Variants in XRCC1 observed in about 807,000 individuals in gnomAD.
XRCC1 encodes X-ray repair cross complementing 1.
A neutral mutation model predicts 83.3 loss-of-function variants in XRCC1; 52 were observed. That is an observed-to-expected ratio of 0.62 (90% confidence interval 0.50 to 0.79). The LOEUF (loss-of-function observed/expected upper bound fraction) is 0.79, where lower values mean the gene tolerates loss of function less well. XRCC1 is among the 30% of genes least tolerant of loss of function. The pLI, the probability that XRCC1 is intolerant of heterozygous loss-of-function variation, is 0.00. For missense variants in XRCC1, 793 were observed against 823.5 expected (o/e 0.96, Z 0.45); for synonymous variants, 281 against 312.6 (o/e 0.90, Z 1.07).
intron 2 of XRCC1, among the ~76,000 whole-genome samples, chr19:43,573,840 A>C (rs1379237309): frequency 6.6e-6 from 1 of 152,182 alleles, no homozygotes; most frequent in Non-Finnish European, 1.5e-5. Flanking sequence ...AGATCATGCC[A>C]CTGCACTACA....
chr19:43,566,186 A>G (rs1219901923), intron 2 of XRCC1, among the ~76,000 whole-genome samples: 2 of 151,616 alleles, frequency 1.3e-5, no homozygotes. Flanking sequence ...CAGCGAACCG[A>G]AATCATGCCA....
intron 2 of XRCC1, among the ~76,000 whole-genome samples, chr19:43,564,077 G>A (rs755867606): frequency 1.6e-4 from 24 of 152,106 alleles, no homozygotes; most frequent in Non-Finnish European, 2.8e-4. Flanking sequence ...CAATAACAAC[G>A]TCTATCTCAT....
intron 10 of XRCC1, among the ~76,000 whole-genome samples, chr19:43,548,480 C>G (rs1169601011): frequency 1.3e-5 from 2 of 152,168 alleles, no homozygotes; most frequent in African/African-American, 4.8e-5. Flanking sequence ...TACCCTCAAC[C>G]CTGTGCTCTC....
intron 3 of XRCC1, among the ~76,000 whole-genome samples, chr19:43,556,444 C>G (rs1462524209): frequency 6.6e-6 from 1 of 152,194 alleles, no homozygotes; most frequent in Non-Finnish European, 1.5e-5. Flanking sequence ...CTCGGGAGAA[C>G]TCCTCACAAG....
intron 3 of XRCC1, among the ~76,000 whole-genome samples, chr19:43,559,101 A>G (rs1022543062): frequency 2.0e-5 from 3 of 152,160 alleles, no homozygotes; most frequent in Admixed American, 6.5e-5. Flanking sequence ...AGATCATGCC[A>G]CTGCACTCCA....
intron 10 of XRCC1, 118 bp from the exon 11 acceptor site, chr19:43,547,095 T>G: frequency 1.0e-6 from 1 of 965,656 alleles, no homozygotes. Flanking sequence ...CATGGTCTTG[T>G]TCCCAGCCCA....
Position 43,569,400 on chromosome 19 carries a change from C to T in XRCC1, c.144+5510G>A, listed in dbSNP as rs369547002. Among the ~76,000 whole-genome samples, 64 of 149,132 alleles carry T rather than the reference C, an allele frequency of 4.3e-4. 1 individual carries two copies. Among genetic ancestry groups the T allele is most frequent in the African/African-American group, 1.5e-3 (59 of 40,560 alleles). ...CTGAGGTGGGAGGATCGCTTGAGCC[C>T]GGGAGGTCGAGCCTGTAGTGAGCTG... is the stretch of plus-strand genomic sequence containing the variant. On this transcript the variant is annotated intron_variant, in intron 2 of 16. Transcript: ENST00000262887.
intron 14 of XRCC1, among the ~76,000 whole-genome samples, chr19:43,545,161 C>T (rs3213395): frequency 0.051 from 7,809 of 152,160 alleles, 263 homozygotes; most frequent in Middle Eastern, 0.17. Flanking sequence ...CCATCACCCA[C>T]GAGGAACTGG....
chr19:43,543,539 GTCA>G (rs1972476857), intron 16 of XRCC1, 34 bp from the exon 17 acceptor site: 1 of 1,613,384 alleles, frequency 6.2e-7, no homozygotes, highest in Non-Finnish European at 8.5e-7. Context: ...ACGGGAATGT[GTCA>G]TCGAGGGGAG....
At chr19:43,575,115 G>T (rs2146076910) in intron 1 of XRCC1, 113 bp from the exon 2 acceptor site, 1 of 902,334 alleles carries the variant, frequency 1.1e-6, no homozygotes, top group Non-Finnish European at 1.8e-6. Flanking sequence ...CCAGATTTAA[G>T]CTCTCCCGTT....
chr19:43,550,337 G>A (rs1286084728), intron 10 of XRCC1, among the ~76,000 whole-genome samples: 5 of 151,858 alleles, frequency 3.3e-5, no homozygotes, highest in East Asian at 1.9e-4. Flanking sequence ...TGACTGCAGC[G>A]AAATGAGTTT....
chr19:43,564,202 T>C (rs1972729335), intron 2 of XRCC1, among the ~76,000 whole-genome samples: 1 of 152,164 alleles, frequency 6.6e-6, no homozygotes, highest in African/African-American at 2.4e-5. Flanking sequence ...CGAATATCAT[T>C]AACACAGCAG....
At chr19:43,563,608 C>G (rs1284117324) in intron 2 of XRCC1, among the ~76,000 whole-genome samples, 2 of 152,170 alleles carry the variant, frequency 1.3e-5, no homozygotes, top group African/African-American at 2.4e-5. Flanking sequence ...GTGCCAAGAA[C>G]AGTCTGGCTC....
At position 43,552,850 on chromosome 19, in the gene XRCC1, G is replaced by T. The variant is rs886380545; in HGVS notation, c.770C>A (p.Thr257Asn). Residue 257 changes from threonine to asparagine, a missense_variant, in exon 8 of 17, where the codon ACC becomes AAC. Physicochemically the swap from Thr to Asn is moderately conservative, Grantham distance 65. Coordinates refer to ENST00000262887, the MANE Select transcript of XRCC1 (RefSeq NM_006297.3). ...CAGCTGGGCTGGTGGTTTGCTGGGG[G>T]TCTTCTTTTCTTCTTGGTTCAAATC... is the stretch of plus-strand genomic sequence containing the variant. ...KLDLNQEEKK[T>N]PSKPPAQLSP... 1.2e-6 allele frequency: 2 copies of T among 1,613,568 alleles called. No homozygotes were observed. Among genetic ancestry groups the T allele is most frequent in the African/African-American group, 1.3e-5 (1 of 74,900 alleles).
At chr19:43,569,519 A>G (rs1568518892) in intron 2 of XRCC1, among the ~76,000 whole-genome samples, 1 of 151,682 alleles carries the variant, frequency 6.6e-6, no homozygotes, top group Non-Finnish European at 1.5e-5. Flanking sequence ...ACAGTGGCTC[A>G]TGCCTGTAAT....
At chr19:43,561,130 T>C (rs756563841) in intron 2 of XRCC1, 110 bp from the exon 3 acceptor site, 4 of 858,036 alleles carry the variant, frequency 4.7e-6, no homozygotes, top group Non-Finnish European at 7.8e-6. Context: ...ATGTCAATTC[T>C]GTGAGGGGGC....
Position 43,554,790 on chromosome 19 carries a change from G to A in XRCC1, c.270C>T (p.Thr90=), listed in dbSNP as rs376098255. Residue 90 remains threonine, a synonymous_variant, in exon 4 of 17, where the codon ACC becomes ACT. Coordinates refer to ENST00000262887, the MANE Select transcript of XRCC1 (RefSeq NM_006297.3). ...TCTCGGAAGGGGACATGAAAGATGA[G>A]GTGACCAGAAGGACCTGGGTGGGAG... ...GEQDYEVLLV[T]SSFMSPSESR... The A allele has an allele frequency of 1.3e-4, 203 of 1,611,864 alleles. No individual in the cohort carries two copies. Among genetic ancestry groups the A allele is most frequent in the Non-Finnish European group, 1.6e-4 (193 of 1,178,486 alleles).
intron 6 of XRCC1, 38 bp from the exon 7 acceptor site, chr19:43,553,129 G>A (rs2146051797): frequency 1.3e-6 from 2 of 1,536,280 alleles, no homozygotes; most frequent in Non-Finnish European, 1.8e-6. Context: ...TGAGAGGGCT[G>A]AGCCCCAAGA....
At position 43,544,341 on chromosome 19, in the gene XRCC1, T is replaced by A. The variant is rs946470874; in HGVS notation, c.1622-107A>T. 4 of 939,650 alleles carry A rather than the reference T, an allele frequency of 4.3e-6. 1 individual carries two copies. In the Middle Eastern group the frequency reaches 6.6e-4, roughly 155 times the overall value. 58.2% of individuals were successfully genotyped at this position (939,650 alleles called of 1,614,324 possible). ...GCAGCTGAGGAGAGGGCTGTCCACA[T>A]GTGGGCAGGGATTGATGGCAGGCAG... On this transcript the variant is annotated intron_variant, in intron 14 of 16. Coordinates refer to ENST00000262887, the MANE Select transcript of XRCC1 (RefSeq NM_006297.3).
Sources: allele counts gnomAD v4.1 joint callset (sites outside exome capture counted in the v4.1 genomes callset), GRCh38; gene constraint gnomAD v4.1.1; transcripts MANE v1.5; gene names NCBI Gene and HGNC (gene_info 2026-07-23, HGNC 2026-07-21).